Variants in MED6 observed in about 807,000 individuals in gnomAD.
MED6 encodes the protein mediator of RNA polymerase II transcription subunit 6.
MED6 carries 33 observed loss-of-function variants against 37.5 expected under a neutral mutation model. The ratio of observed to expected loss-of-function variants is 0.88; its 90% CI spans 0.67 to 1.18. The LOEUF (loss-of-function observed/expected upper bound fraction) is 1.18, where lower values mean the gene tolerates loss of function less well. Among genes scored for constraint, MED6 ranks in the 50% most tolerant of loss-of-function variants. MED6 has a pLI of 0.00. For synonymous variants in MED6, 94 were observed against 93.6 expected (o/e 1.00, Z -0.02); for missense variants, 235 against 290.6 (o/e 0.81, Z 1.39).
At chr14:70,596,493 G>A in intron 3 of MED6, 118 bp downstream of exon 3, 1 of 681,944 alleles carries the variant, frequency 1.5e-6, no homozygotes, top group South Asian at 1.8e-5. Flanking sequence ...TACTGAACAT[G>A]TATGTGGTCT....
At chr14:70,593,275 A>T in intron 4 of MED6, 21 bp downstream of exon 4, 4 of 1,600,282 alleles carry the variant, frequency 2.5e-6, no homozygotes, top group Non-Finnish European at 3.4e-6. Context: ...TTTAGTGCTT[A>T]AAGAATGTGA....
chr14:70,600,514 T>G, intron 1 of MED6, 102 bp downstream of exon 1: 130 of 1,339,610 alleles, frequency 9.7e-5, no homozygotes, highest in Non-Finnish European at 1.3e-4. Flanking sequence ...CAAAAAAGCT[T>G]GAGACTTCAC....
In MED6 at chr14:70,584,299, G is replaced by C; in HGVS notation, c.*514C>G. On this transcript the variant is annotated 3_prime_UTR_variant, in exon 8 of 8. Coordinates refer to ENST00000256379, the MANE Select transcript of MED6 (RefSeq NM_005466.4). ...CTACCAGTAAACATGTGAGTGTGTAGGTTGCTCAAGTCCGGGAGAGGAAAG... is the reference window on the plus strand; with the variant it reads ...CTACCAGTAAACATGTGAGTGTGTACGTTGCTCAAGTCCGGGAGAGGAAAG... The C allele has an allele frequency of 1.7e-6, 1 of 573,670 alleles. No individual in the cohort carries two copies. The highest frequency in any genetic ancestry group is 2.9e-5 in the Admixed American group (1 of 34,532). The allele number at this position is 573,670 out of a possible 1,614,324, so 35.5% of individuals were successfully genotyped here. A position where few individuals can be genotyped will look rare whatever the true frequency, so the allele number is the denominator to read the frequency against.
intron 3 of MED6, 56 bp from the exon 4 acceptor site, chr14:70,593,434 C>G (rs1884944995): frequency 7.8e-7 from 1 of 1,276,262 alleles, no homozygotes; most frequent in Non-Finnish European, 1.1e-6. Context: ...AACTGCTAAA[C>G]AGATTCTCAT....
At chr14:70,594,589 G>GGTA in intron 3 of MED6, 1 of 413,430 alleles carries the variant, frequency 2.4e-6, no homozygotes, top group South Asian at 2.1e-5. Context: ...TCCAACTACT[G>GGTA]GTCCCTGGGC....
At chr14:70,592,558 G>A (rs1884911591) in intron 5 of MED6, 1 of 155,692 alleles carries the variant, frequency 6.4e-6, no homozygotes, top group Non-Finnish European at 1.3e-5. Flanking sequence ...GAACTCCTAG[G>A]CTCAGGTGAT....
chr14:70,590,326 T>C (rs1416704155), intron 6 of MED6, among the ~76,000 whole-genome samples: 1 of 152,244 alleles, frequency 6.6e-6, no homozygotes, highest in East Asian at 1.9e-4. Context: ...TTTATTTATT[T>C]ATTCAACAGA....
intron 6 of MED6, among the ~76,000 whole-genome samples, chr14:70,587,130 G>C (rs550346118): frequency 1.3e-5 from 2 of 152,182 alleles, no homozygotes; most frequent in African/African-American, 4.8e-5. Flanking sequence ...GATCTCCCTG[G>C]GCAGAAATAT....
chr14:70,598,958 C>T (rs113316601), intron 1 of MED6, among the ~76,000 whole-genome samples: 37 of 152,126 alleles, frequency 2.4e-4, no homozygotes, highest in African/African-American at 8.7e-4. Context: ...TCATATTTAG[C>T]GTAGAATTAA....
intron 6 of MED6, among the ~76,000 whole-genome samples, chr14:70,590,800 T>C (rs892012683): frequency 1.6e-4 from 24 of 152,224 alleles, no homozygotes; most frequent in Admixed American, 4.6e-4. Flanking sequence ...GGTATCTCTA[T>C]TCATCACTCC....
At chr14:70,591,176 G>C in intron 6 of MED6, 90 bp downstream of exon 6, 1 of 999,328 alleles carries the variant, frequency 1.0e-6, no homozygotes, top group Non-Finnish European at 1.5e-6. Flanking sequence ...TGTACTTTTA[G>C]GTCACATCTG....
At chr14:70,599,994 C>A (rs73283997) in intron 1 of MED6, among the ~76,000 whole-genome samples, 1,631 of 152,204 alleles carry the variant, frequency 0.011, 17 homozygotes, top group African/African-American at 0.031. Context: ...AACAACTCTA[C>A]ATGCTCCCCA....
intron 6 of MED6, among the ~76,000 whole-genome samples, chr14:70,586,500 C>T (rs193257068): frequency 2.0e-5 from 3 of 152,318 alleles, no homozygotes; most frequent in Admixed American, 2.0e-4. Flanking sequence ...AGGATGCCAA[C>T]ACCACCAACT....
rs951745067 is a variant in MED6 at position 70,584,639 on chromosome 14, G to A, written c.*174C>T. ...GATCCACCCGCCATGGCCTCCCAAA[G>A]TGCTGGGATTACAGGCGTGAGCCAC... On this transcript the variant is annotated 3_prime_UTR_variant, in exon 8 of 8. Transcript: ENST00000256379. The A allele has an allele frequency of 2.1e-5, 16 of 754,726 alleles. No homozygotes were observed. The Admixed American group carries it at 3.6e-4, about 17-fold the overall frequency. 46.8% of individuals were successfully genotyped at this position (754,726 alleles called of 1,614,324 possible).
In MED6 at chr14:70,592,989, C is replaced by T; in HGVS notation, c.358-1G>A. On this transcript the variant is annotated splice_acceptor_variant, in intron 4 of 7. Coordinates refer to ENST00000256379, the MANE Select transcript of MED6 (RefSeq NM_005466.4). LOFTEE classifies it high-confidence loss of function. Reference sequence around the variant, plus strand: ...ACTGAATACCATGCACTGCAGTAAGCTTGTAAAAGGAAAATAAACTCTAAA... The same window carrying T: ...ACTGAATACCATGCACTGCAGTAAGTTTGTAAAAGGAAAATAAACTCTAAA... 2 of 1,613,344 alleles carry T rather than the reference C, an allele frequency of 1.2e-6. No homozygotes were observed. Among genetic ancestry groups the T allele is most frequent in the African/African-American group, 2.7e-5 (2 of 75,026 alleles).
Position 70,584,598 on chromosome 14 carries a change from A to AT in MED6, c.*214_*215insA. ...ACCATATTGGTCAGGCTGGTCTTGAACTTCTGACCTCAAGTGATCCACCCG... is the reference window on the plus strand; with the variant it reads ...ACCATATTGGTCAGGCTGGTCTTGAATCTTCTGACCTCAAGTGATCCACCCG... On this transcript the variant is annotated 3_prime_UTR_variant, in exon 8 of 8. Transcript: ENST00000256379. The AT allele has an allele frequency of 4.2e-6, 2 of 472,452 alleles. No individual in the cohort carries two copies. Among genetic ancestry groups the AT allele is most frequent in the Non-Finnish European group, 7.3e-6 (2 of 275,672 alleles). 29.3% of individuals were successfully genotyped at this position (472,452 alleles called of 1,614,324 possible).
intron 3 of MED6, chr14:70,594,704 C>T (rs181904559): frequency 3.8e-4 from 174 of 459,786 alleles, no homozygotes; most frequent in Non-Finnish European, 5.9e-4. Flanking sequence ...CCCGCTCCAC[C>T]GGTTTCCAGG....
chr14:70,584,856 A>G lies in MED6; in HGVS notation c.698T>C (p.Val233Ala), dbSNP rs540819226. The change falls in exon 8 of 8, where the codon GTG (valine) becomes GCG (alanine). Residue 233 changes from valine to alanine, a missense_variant. By Grantham distance (64) the Val-to-Ala change is moderately conservative. Transcript: ENST00000256379. ...TTTTTCAGGGGGGCCTTTAGCACTC[A>G]CTGTCTGTTGTACATTCTTTGTGGT... ...KETTKNVQQTVSAKGPPEKRM... is the reference protein window; with the variant it reads ...KETTKNVQQTASAKGPPEKRM... 6.2e-7 allele frequency: 1 copy of G among 1,614,118 alleles called. No homozygotes were observed. Among genetic ancestry groups the G allele is most frequent in the South Asian group, 1.1e-5 (1 of 91,078 alleles).
intron 7 of MED6, 47 bp from the exon 8 acceptor site, chr14:70,584,990 G>A (rs1330948556): frequency 1.3e-6 from 2 of 1,585,412 alleles, no homozygotes; most frequent in East Asian, 2.2e-5. Context: ...TGGGTGGGGG[G>A]AATGAGATAA....
Sources: gnomAD v4.1 joint callset for allele counts (sites outside exome capture counted in the v4.1 genomes callset) on GRCh38, gnomAD v4.1.1 for gene constraint, MANE v1.5 for transcripts, NCBI Gene and HGNC (gene_info 2026-07-23, HGNC 2026-07-21) for gene names.